Variants in COL20A1 observed in about 807,000 individuals in gnomAD.
COL20A1 encodes collagen alpha-1(XX) chain.
In COL20A1, 164 loss-of-function variants were observed where a neutral mutation model predicts 152.9. The ratio of observed to expected loss-of-function variants is 1.07; its 90% CI spans 0.94 to 1.22. The LOEUF (loss-of-function observed/expected upper bound fraction) is 1.22, where lower values mean the gene tolerates loss of function less well. COL20A1 is among the 50% of genes most tolerant of loss of function. The pLI is 0.00. For synonymous variants in COL20A1, 864 were observed against 756.0 expected (o/e 1.14, Z -2.34); for missense variants, 1,873 against 1,744.8 (o/e 1.07, Z -1.31).
rs1019436157 is a variant in COL20A1, at chr20:63,312,469, C to T, written c.1853C>T (p.Ser618Phe). The part of the protein sequence containing the change: ...ATSATLGPLS[S>F]STTYTVRVTC... ...TCGGCCACGCTGGGGCCTCTCTCTTCCTCCACCACCTACACTGTCCGTGTC... is the reference window on the plus strand; with the variant it reads ...TCGGCCACGCTGGGGCCTCTCTCTTTCTCCACCACCTACACTGTCCGTGTC... The change falls in exon 15 of 36, where the codon TCC (serine) becomes TTC (phenylalanine). Residue 618 changes from serine to phenylalanine, a missense_variant. Physicochemically the swap from Ser to Phe is radical, Grantham distance 155. Coordinates refer to ENST00000358894, the MANE Select transcript of COL20A1 (RefSeq NM_020882.4). The T allele has an allele frequency of 2.5e-6, 4 of 1,608,560 alleles. No individual in the cohort carries two copies. Among genetic ancestry groups the T allele is most frequent in the Admixed American group, 3.3e-5 (2 of 59,908 alleles).
In COL20A1 at chr20:63,316,642, A is replaced by G. The variant is rs1486232148; in HGVS notation, c.2614A>G (p.Thr872Ala). ...VAMEPSAFGG[T>A]PTFTLFKDAQ... ...CATGGAGCCCTCTGCCTTCGGTGGG[A>G]CCCCGACCTTCACGCTCTTCAAGGA... Residue 872 changes from threonine (T) to alanine (A), a missense_variant, in exon 21 of 36, where the codon ACC becomes GCC. Coordinates refer to ENST00000358894, the MANE Select transcript of COL20A1 (RefSeq NM_020882.4). The G allele has an allele frequency of 1.3e-6, 2 of 1,576,942 alleles. No homozygotes were observed. The highest frequency in any genetic ancestry group is 2.7e-5 in the African/African-American group (2 of 74,032).
At chr20:63,308,134 T>C (rs1388608462) in intron 7 of COL20A1, 44 bp downstream of exon 7, 19 of 1,600,568 alleles carry the variant, frequency 1.2e-5, no homozygotes, top group Non-Finnish European at 1.5e-5. Context: ...AGGGCGGACC[T>C]CCTTCTGCCG....
chr20:63,319,077 C>T lies in COL20A1; in HGVS notation c.2683C>T (p.Leu895=). 6 of 1,612,662 alleles carry T rather than the reference C, an allele frequency of 3.7e-6. No individual in the cohort carries two copies. The highest frequency in any genetic ancestry group is 5.1e-6 in the Non-Finnish European group (6 of 1,179,048). Residue 895 remains leucine (L), a synonymous_variant, in exon 22 of 36, where the codon CTA becomes TTA. Coordinates refer to ENST00000358894, the MANE Select transcript of COL20A1 (RefSeq NM_020882.4). The surrounding 1 kb of genome is among the most constrained non-coding windows in gnomAD (Gnocchi z 4.4). The part of the protein sequence containing the change: ...RRVSDVYPAP[L]PPEHTIVFLV... The stretch of plus-strand genomic sequence containing the variant: ...CCACAGTGACGTCTACCCAGCCCCC[C>T]TACCTCCAGAGCACACCATCGTCTT...
Position 63,316,653 on chromosome 20 carries a change from C to T in COL20A1, c.2625C>T (p.Phe875=). 6.3e-7 allele frequency: 1 copy of T among 1,576,008 alleles called. No individual in the cohort carries two copies. Among genetic ancestry groups the T allele is most frequent in the Non-Finnish European group, 8.6e-7 (1 of 1,161,692 alleles). ...CTGCCTTCGGTGGGACCCCGACCTTCACGCTCTTCAAGGACGCCCAGCTGA... is the reference window on the plus strand; with the variant it reads ...CTGCCTTCGGTGGGACCCCGACCTTTACGCTCTTCAAGGACGCCCAGCTGA... ...EPSAFGGTPT[F]TLFKDAQLTR... Residue 875 remains phenylalanine, a synonymous_variant, in exon 21 of 36, where the codon TTC becomes TTT. Coordinates refer to ENST00000358894, the MANE Select transcript of COL20A1 (RefSeq NM_020882.4).
At chr20:63,298,758 C>G (rs1410020364) in intron 3 of COL20A1, among the ~76,000 whole-genome samples, 2 of 152,190 alleles carry the variant, frequency 1.3e-5, no homozygotes, top group Non-Finnish European at 2.9e-5. Flanking sequence ...AACCCTGTTC[C>G]TAGAGCAGGA....
chr20:63,325,803 G>T (rs1189912002), intron 29 of COL20A1, 82 bp downstream of exon 29: 1 of 1,243,670 alleles, frequency 8.0e-7, no homozygotes, highest in Non-Finnish European at 1.2e-6. Context: ...TGGAGGCTGT[G>T]GGGTAGGGAG....
chr20:63,305,615 T>C lies in COL20A1; in HGVS notation c.337+55T>C. 6.6e-7 allele frequency: 1 copy of C among 1,513,806 alleles called. No homozygotes were observed. The highest frequency in any genetic ancestry group is 1.4e-5 in the African/African-American group (1 of 71,406). The allele number at this position is 1,513,806 out of a possible 1,614,324, so 93.8% of individuals were successfully genotyped here. On this transcript the variant is annotated intron_variant, in intron 4 of 35. Transcript: ENST00000358894. The surrounding 1 kb of genome is among the most constrained non-coding windows in gnomAD (Gnocchi z 4.9). ...CACTCCTCCAGGCCGGGTCCCACCC[T>C]CCTCTGGGCTGGGGTCCCACCCTCC...
In COL20A1 at chr20:63,306,136, C is replaced by G; in HGVS notation, c.496+97C>G. 1 of 1,132,954 alleles carries G rather than the reference C, an allele frequency of 8.8e-7. No homozygotes were observed. Among genetic ancestry groups the G allele is most frequent in the Non-Finnish European group, 1.2e-6 (1 of 801,236 alleles). The allele number at this position is 1,132,954 out of a possible 1,614,324, so 70.2% of individuals were successfully genotyped here. On this transcript the variant is annotated intron_variant, in intron 5 of 35. Transcript: ENST00000358894. This position sits in a 1 kb window ranked among gnomAD's most constrained non-coding sequence, Gnocchi z 6.9. ...GAGGCCAGGAAGTTCTTCCTCGTGT[C>G]TGACCACACGGTCTCTGACCACGAG...
intron 21 of COL20A1, 93 bp from the exon 22 acceptor site, chr20:63,318,959 GACTGGC>G: frequency 1.1e-6 from 1 of 921,060 alleles, no homozygotes; most frequent in Middle Eastern, 2.2e-4. Context: ...CAGCCTCAGG[GACTGGC>G]ACTGGGGCTG....
chr20:63,326,253 C>G (rs2068246723), intron 30 of COL20A1, 104 bp downstream of exon 30: 2 of 895,394 alleles, frequency 2.2e-6, no homozygotes, highest in Middle Eastern at 3.1e-4. Context: ...CTAGGTTACC[C>G]CAGGAAGTGC....
intron 19 of COL20A1, among the ~76,000 whole-genome samples, chr20:63,314,903 C>T (rs1340953391): frequency 6.6e-6 from 1 of 151,394 alleles, no homozygotes; most frequent in African/African-American, 2.4e-5. Flanking sequence ...CCAGGCATCT[C>T]CCTGGCCCCC....
In COL20A1 at chr20:63,325,368, G is replaced by A. The variant is rs1191238521; in HGVS notation, c.3295-73G>A. The A allele has an allele frequency of 1.6e-5, 18 of 1,150,708 alleles. No homozygotes were observed. In the East Asian group the frequency reaches 4.1e-4, roughly 26 times the overall value. The allele number at this position is 1,150,708 out of a possible 1,614,324, so 71.3% of individuals were successfully genotyped here. ...CCGTGCAGTCCAGGGGCCTGTGGTA[G>A]GTGTCACTCCTTCCCTGCCCTCCTG... is the stretch of plus-strand genomic sequence containing the variant. On this transcript the variant is annotated intron_variant, in intron 27 of 35. Coordinates refer to ENST00000358894, the MANE Select transcript of COL20A1 (RefSeq NM_020882.4).
chr20:63,308,112 C>A, intron 7 of COL20A1, 22 bp downstream of exon 7: 1 of 1,610,728 alleles, frequency 6.2e-7, no homozygotes, highest in Non-Finnish European at 8.5e-7. Context: ...GCCTGCCCCT[C>A]CCTCTGTCCT....
At chr20:63,329,551 G>T in intron 34 of COL20A1, 34 bp from the exon 35 acceptor site, 3 of 1,572,320 alleles carry the variant, frequency 1.9e-6, no homozygotes, top group Non-Finnish European at 2.6e-6. Flanking sequence ...CCACTGCATT[G>T]CTCCGTCCTC....
At position 63,325,434 on chromosome 20, in the gene COL20A1, C is replaced by G. The variant is rs766597782; in HGVS notation, c.3295-7C>G. 35 of 1,611,148 alleles carry G rather than the reference C, an allele frequency of 2.2e-5. No homozygotes were observed. The highest frequency in any genetic ancestry group is 8.9e-5 in the East Asian group (4 of 44,880). On this transcript the variant is annotated splice_region_variant and splice_polypyrimidine_tract_variant and intron_variant, in intron 27 of 35. Transcript: ENST00000358894. ...GCTTCGCTGTCCAGCCCATCTTCCC[C>G]CTCCAGGGTCCACCAGGGGTCAAAG...
chr20:63,312,909 C>A lies in COL20A1; in HGVS notation c.2051C>A (p.Pro684His). 2 of 1,555,710 alleles carry A rather than the reference C, an allele frequency of 1.3e-6. No homozygotes were observed. Among genetic ancestry groups the A allele is most frequent in the Non-Finnish European group, 1.7e-6 (2 of 1,149,286 alleles). The change falls in exon 16 of 36, where the codon CCC (proline) becomes CAC (histidine). Residue 684 changes from proline to histidine, a missense_variant. By Grantham distance (77) the Pro-to-His change is moderately conservative. Coordinates refer to ENST00000358894, the MANE Select transcript of COL20A1 (RefSeq NM_020882.4). Reference sequence around the variant, plus strand: ...CTTGTCTACCAGATCACGTGGACGCCCCTGGGAGAGGGGAAGGCTCACGAG... The same window carrying A: ...CTTGTCTACCAGATCACGTGGACGCACCTGGGAGAGGGGAAGGCTCACGAG... ...GVLVYQITWT[P>H]LGEGKAHEIS...
chr20:63,323,615 A>C (rs988683248), intron 27 of COL20A1, among the ~76,000 whole-genome samples: 2 of 152,180 alleles, frequency 1.3e-5, no homozygotes, highest in South Asian at 4.1e-4. Flanking sequence ...TTACACAGCC[A>C]GCCCCTTGCA....
At position 63,307,483 on chromosome 20, in the gene COL20A1, G is replaced by A. The variant is rs761798784; in HGVS notation, c.497-7G>A. 105 of 1,609,118 alleles carry A rather than the reference G, an allele frequency of 6.5e-5. No homozygotes were observed. The highest frequency in any genetic ancestry group is 8.2e-5 in the Non-Finnish European group (97 of 1,178,458). ...ACCTAGCACCTGACCCGCTCCCACCGCCCCAGCCGGCCCCCAGTTCCGCTG... is the reference window on the plus strand; with the variant it reads ...ACCTAGCACCTGACCCGCTCCCACCACCCCAGCCGGCCCCCAGTTCCGCTG... On this transcript the variant is annotated splice_region_variant and splice_polypyrimidine_tract_variant and intron_variant, in intron 5 of 35. Coordinates refer to ENST00000358894, the MANE Select transcript of COL20A1 (RefSeq NM_020882.4).
Position 63,318,275 on chromosome 20 carries a change from A to G in COL20A1, c.2664-783A>G, listed in dbSNP as rs574744219. Among the ~76,000 whole-genome samples, 12 of 152,284 alleles carry G rather than the reference A, an allele frequency of 7.9e-5. No homozygotes were observed. The South Asian group carries it at 2.5e-3, about 32-fold the overall frequency. Reference sequence around the variant, plus strand: ...GTCGGGAGGCTCCTGAGGTGGCATCACAGGTGCCCAGGCCCCAGACCAGTC... The same window carrying G: ...GTCGGGAGGCTCCTGAGGTGGCATCGCAGGTGCCCAGGCCCCAGACCAGTC... On this transcript the variant is annotated intron_variant, in intron 21 of 35. Transcript: ENST00000358894.
Sources: gnomAD v4.1 joint callset for allele counts (sites outside exome capture counted in the v4.1 genomes callset) on GRCh38, gnomAD v4.1.1 for gene constraint, Gnocchi (gnomAD v3.1) non-coding constraint, MANE v1.5 for transcripts, NCBI Gene and HGNC (gene_info 2026-07-23, HGNC 2026-07-21) for gene names.